C4orf50: variants seen among roughly 807,000 people sequenced by gnomAD.
The protein encoded by C4orf50 is chromosome 4 open reading frame 50, also known as uncharacterized protein C4orf50.
Under a neutral mutation model 77.2 loss-of-function variants are expected in C4orf50, and 80 were observed. The ratio of observed to expected loss-of-function variants is 1.04; its 90% CI spans 0.87 to 1.25. The LOEUF (loss-of-function observed/expected upper bound fraction) is 1.25, where lower values mean the gene tolerates loss of function less well. Among genes scored for constraint, C4orf50 ranks in the 50% most tolerant of loss-of-function variants. The pLI, the probability that C4orf50 is intolerant of heterozygous loss-of-function variation, is 0.00. For synonymous variants in C4orf50, 532 were observed against 465.3 expected (o/e 1.14, Z -1.84); for missense variants, 1,257 against 1,152.9 (o/e 1.09, Z -1.31).
chr4:5,987,558 G>A (rs946837516), intron 28 of C4orf50, among the ~76,000 whole-genome samples: 1 of 151,514 alleles, frequency 6.6e-6, no homozygotes, highest in Non-Finnish European at 1.5e-5. Flanking sequence ...GGAGGAAAGA[G>A]AGAAAGGAAA....
intron 7 of C4orf50, chr4:5,898,811 A>G (rs571550372): frequency 6.6e-6 from 1 of 152,188 alleles, no homozygotes; most frequent in African/African-American, 2.4e-5. Context: ...CCATGCTTGG[A>G]CACAGCCTGC....
At chr4:5,982,865 G>A (rs1720667893) in intron 28 of C4orf50, among the ~76,000 whole-genome samples, 1 of 152,110 alleles carries the variant, frequency 6.6e-6, no homozygotes, top group African/African-American at 2.4e-5. Flanking sequence ...GGGAGAGGTG[G>A]ATGAAGAAGG....
chr4:5,970,089 C>T lies in C4orf50; in HGVS notation c.4105-2627G>A, dbSNP rs1719819681. On this transcript the variant is annotated intron_variant, in intron 31 of 33. Transcript: ENST00000531445. This position sits in a 1 kb window ranked among gnomAD's most constrained non-coding sequence, Gnocchi z 4.3. ...GGACGATGTAACTGAATACAAACAG[C>T]AAAGGTGTCTCATTTCATGCTTGTG... Among the ~76,000 whole-genome samples, 1 of 151,090 alleles carries T rather than the reference C, an allele frequency of 6.6e-6. No individual in the cohort carries two copies. The highest frequency in any genetic ancestry group is 2.4e-5 in the African/African-American group (1 of 40,938).
rs1264761199 is a variant in C4orf50, at chr4:5,919,918, A to G, written c.*2475-21730T>C. 1.3e-5 allele frequency among the ~76,000 whole-genome samples: 2 copies of G among 152,214 alleles called. No individual in the cohort carries two copies. Among genetic ancestry groups the G allele is most frequent in the African/African-American group, 4.8e-5 (2 of 41,446 alleles). On this transcript the variant is annotated intron_variant, in intron 7 of 7. Transcript: ENST00000324058. This position sits in a 1 kb window ranked among gnomAD's most constrained non-coding sequence, Gnocchi z 6.5. ...AACCAACCAGGGATTGAAAATACTC[A>G]AAGAAAACTTAGTCTGTGTTCAACA...
intron 7 of C4orf50, among the ~76,000 whole-genome samples, chr4:5,909,302 A>C (rs2152480925): frequency 6.6e-6 from 1 of 152,340 alleles, no homozygotes; most frequent in Non-Finnish European, 1.5e-5. Context: ...AGAGGGAAAT[A>C]AATCATCTAG....
Position 5,900,455 on chromosome 4 carries a change from C to T in C4orf50, c.*2475-2267G>A, listed in dbSNP as rs1343907925. The T allele has an allele frequency of 6.6e-6, 1 of 151,836 alleles. No individual in the cohort carries two copies. The highest frequency in any genetic ancestry group is 1.5e-5 in the Non-Finnish European group (1 of 67,996). The allele number at this position is 151,836 out of a possible 1,614,324, so 9.4% of individuals were successfully genotyped here. A position where few individuals can be genotyped will look rare whatever the true frequency, so the allele number is the denominator to read the frequency against. On this transcript the variant is annotated intron_variant, in intron 7 of 7. Transcript: ENST00000324058. The surrounding 1 kb of genome is among the most constrained non-coding windows in gnomAD (Gnocchi z 4.3). ...GTCTAGCCAAAAAGTAGGTGAGTTT[C>T]CAAGATATCCTGGGATTCAGGGCTT...
exon 34 of C4orf50, chr4:5,959,184 A>G (rs1321406468): frequency 1.6e-6 from 1 of 644,006 alleles, no homozygotes; most frequent in Non-Finnish European, 2.6e-6. Context: ...AACTCCTCAG[A>G]ATTTGCCAGG....
At chr4:5,980,440 T>TTTG (rs1188193843) in intron 28 of C4orf50, 102 bp from the exon 7 acceptor site, 5 of 1,095,832 alleles carry the variant, frequency 4.6e-6, no homozygotes, top group East Asian at 2.8e-5. Flanking sequence ...AGTTTTTTTT[T>TTTG]TTGTTGTTGT....
At chr4:5,986,120 G>A (rs888483756) in intron 28 of C4orf50, among the ~76,000 whole-genome samples, 3 of 152,152 alleles carry the variant, frequency 2.0e-5, no homozygotes, top group African/African-American at 4.8e-5. Flanking sequence ...CAACATATCA[G>A]CAAAGATAGA....
At position 5,982,143 on chromosome 4, in the gene C4orf50, G is replaced by A. The variant is rs76630099; in HGVS notation, c.3700-1805C>T. Among the ~76,000 whole-genome samples the A allele has an allele frequency of 1.5e-3, 228 of 152,276 alleles. 2 individuals are homozygous for A. In the East Asian group the frequency reaches 0.039, roughly 26 times the overall value. The stretch of plus-strand genomic sequence containing the variant: ...ACAGATGGGTGCTCTGAATGGTCCC[G>A]TAAAATTCAGCTTCAAGACGTCAAA... On this transcript the variant is annotated intron_variant, in intron 28 of 33. Transcript: ENST00000531445.
chr4:5,936,580 AAAAG>A (rs1560551011), intron 7 of C4orf50, among the ~76,000 whole-genome samples: 1 of 147,390 alleles, frequency 6.8e-6, no homozygotes, highest in Non-Finnish European at 1.5e-5. Context: ...AAAAAAAAAA[AAAAG>A]AAAGACAGAC....
chr4:5,942,412 T>C (rs1352580167), intron 7 of C4orf50, among the ~76,000 whole-genome samples: 4 of 152,308 alleles, frequency 2.6e-5, no homozygotes, highest in African/African-American at 9.6e-5. Flanking sequence ...TTTCAACATC[T>C]GTGAAATGGG....
At chr4:5,980,094 C>A (rs1254141704) in intron 29 of C4orf50, 80 bp downstream of exon 7, 49 of 1,269,656 alleles carry the variant, frequency 3.9e-5, no homozygotes, top group Admixed American at 5.1e-5. Context: ...AAGACCTCAG[C>A]AAATCTTTGT....
At chr4:5,969,545 C>T (rs1025801964) in intron 31 of C4orf50, among the ~76,000 whole-genome samples, 26 of 152,016 alleles carry the variant, frequency 1.7e-4, no homozygotes, top group African/African-American at 4.8e-5. Context: ...ATGACTCTCC[C>T]CTGCTAGTAT....
At chr4:5,968,775 A>G (rs934894111) in intron 31 of C4orf50, among the ~76,000 whole-genome samples, 1 of 152,120 alleles carries the variant, frequency 6.6e-6, no homozygotes, top group Non-Finnish European at 1.5e-5. Flanking sequence ...GTGTCTCCTC[A>G]TTAGACAGAG....
At chr4:5,989,404 C>T (rs1721116555) in exon 28 of C4orf50, 1 of 1,535,982 alleles carries the variant, frequency 6.5e-7, no homozygotes, top group Admixed American at 2.0e-5. Flanking sequence ...CGTGGTCTTT[C>T]CCGGCTTATC....
At chr4:5,990,603 C>T (rs1721214495) in exon 28 of C4orf50, 1 of 399,154 alleles carries the variant, frequency 2.5e-6, no homozygotes, top group Non-Finnish European at 4.4e-6. Flanking sequence ...CCTCCTGGAG[C>T]AGCAGTGGTC....
chr4:5,902,018 G>A (rs1016479714), intron 7 of C4orf50: 2 of 152,290 alleles, frequency 1.3e-5, no homozygotes, highest in African/African-American at 4.8e-5. Context: ...GGCCTACTCT[G>A]TTCTCTCCCA....
intron 7 of C4orf50, among the ~76,000 whole-genome samples, chr4:5,913,516 A>T (rs945939679): frequency 6.6e-6 from 1 of 152,230 alleles, no homozygotes; most frequent in African/African-American, 2.4e-5. Context: ...TGGAAAATAT[A>T]GATGAGATAA....
Sources: allele counts gnomAD v4.1 joint callset (sites outside exome capture counted in the v4.1 genomes callset), GRCh38; gene constraint gnomAD v4.1.1; non-coding constraint Gnocchi (gnomAD v3.1); transcripts MANE v1.5; gene names NCBI Gene and HGNC (gene_info 2026-07-23, HGNC 2026-07-21).